GLDC: variants seen among roughly 807,000 people sequenced by gnomAD.
GLDC encodes glycine dehydrogenase (decarboxylating), mitochondrial.
A neutral mutation model predicts 121.3 loss-of-function variants in GLDC; 104 were observed. The ratio of observed to expected loss-of-function variants is 0.86; its 90% CI spans 0.73 to 1.01. GLDC has a LOEUF of 1.01. Ranked by LOEUF, GLDC falls within the 50% of genes least tolerant of loss-of-function variation. The pLI is 0.00. For synonymous variants in GLDC, 546 were observed against 480.6 expected, an observed-to-expected ratio of 1.14 and a Z score of -1.78; for missense variants, 1,429 against 1,306.6, an observed-to-expected ratio of 1.09 and a Z score of -1.44.
intron 3 of GLDC, among the ~76,000 whole-genome samples, chr9:6,614,951 A>G (rs984991808): frequency 1.3e-5 from 2 of 152,228 alleles, no homozygotes; most frequent in African/African-American, 4.8e-5. Flanking sequence ...TAAATACAGA[A>G]AAGGTACAGT....
intron 15 of GLDC, among the ~76,000 whole-genome samples, chr9:6,575,056 G>T (rs1818037158): frequency 6.6e-6 from 1 of 151,992 alleles, no homozygotes. Context: ...CCACTTCTTA[G>T]CCAGGTGTGG....
chr9:6,610,324 A>G lies in GLDC; in HGVS notation c.503T>C (p.Val168Ala), dbSNP rs1241332349. The G allele has an allele frequency of 3.7e-6, 6 of 1,613,398 alleles. No homozygotes were observed. The highest frequency in any genetic ancestry group is 5.1e-6 in the Non-Finnish European group (6 of 1,179,422). The change falls in exon 4 of 25, where the codon GTG (valine) becomes GCG (alanine). Residue 168 changes from valine to alanine, a missense_variant. Coordinates refer to ENST00000321612, the MANE Select transcript of GLDC (RefSeq NM_000170.3). ...TAAACTCTCCAGCCTCCCCTGAGAC[A>G]CCTCAGGCTGGTATGGAGTATACTG... The part of the protein sequence containing the change: ...ITQYTPYQPE[V>A]SQGRLESLLN...
intron 8 of GLDC, among the ~76,000 whole-genome samples, chr9:6,598,784 C>T (rs1231936148): frequency 1.3e-5 from 2 of 152,230 alleles, no homozygotes; most frequent in African/African-American, 4.8e-5. Context: ...GTATGGCCAT[C>T]TCCAGGGCAA....
intron 2 of GLDC, among the ~76,000 whole-genome samples, chr9:6,622,416 A>AT (rs1409861190): frequency 4.0e-5 from 6 of 148,646 alleles, no homozygotes; most frequent in Non-Finnish European, 7.4e-5. Context: ...TGGTTTTCGT[A>AT]TTTTTTTGGT....
chr9:6,557,629 G>C (rs1238058785), intron 17 of GLDC: 1 of 132,932 alleles, frequency 7.5e-6, no homozygotes, highest in East Asian at 2.0e-4. Context: ...AACAGGAATT[G>C]GAAAAAAAAA....
chr9:6,587,071 C>G (rs1818285510), intron 15 of GLDC, 70 bp downstream of exon 15: 9 of 1,286,768 alleles, frequency 7.0e-6, no homozygotes, highest in Non-Finnish European at 9.1e-6. Flanking sequence ...TTGTTCTAAG[C>G]CTTTAAGTTT....
Position 6,584,772 on chromosome 9 carries a change from G to A in GLDC, c.1850+2369C>T, listed in dbSNP as rs188216549. ...CAAAGCCCCTGCCATGCTCAAATCA[G>A]CTCTTGGAAATGGATGGTATAGCTG... On this transcript the variant is annotated intron_variant, in intron 15 of 24. Coordinates refer to ENST00000321612, the MANE Select transcript of GLDC (RefSeq NM_000170.3). Among the ~76,000 whole-genome samples, 77 of 152,264 alleles carry A rather than the reference G, an allele frequency of 5.1e-4. 1 individual carries two copies. The highest frequency in any genetic ancestry group is 9.6e-4 in the Non-Finnish European group (65 of 68,022).
Position 6,605,268 on chromosome 9 carries a change from C to G in GLDC, c.724G>C (p.Val242Leu). The change falls in exon 6 of 25, where the codon GTC becomes CTC. Residue 242 changes from valine to leucine, a missense_variant. Coordinates refer to ENST00000321612, the MANE Select transcript of GLDC (RefSeq NM_000170.3). ...CAGGGTAACTTCAGCTCAGTGAGGA[C>G]TCCAGTATATCTGGAAAGACAGACA... ...VVQTRAKYTGVLTELKLPCEM... is the reference protein window; with the variant it reads ...VVQTRAKYTGLLTELKLPCEM... 1 of 1,613,948 alleles carries G rather than the reference C, an allele frequency of 6.2e-7. No individual in the cohort carries two copies. Among genetic ancestry groups the G allele is most frequent in the Non-Finnish European group, 8.5e-7 (1 of 1,179,818 alleles).
rs1042340088 is a variant in GLDC at position 6,556,064 on chromosome 9, G to C, written c.2202+89C>G. ...TCGTGGGTCTGAGTTCCCTCAGGCA[G>C]GAAGCCTCTCAAGAAGTCAGAATTT... On this transcript the variant is annotated intron_variant, in intron 18 of 24. Coordinates refer to ENST00000321612, the MANE Select transcript of GLDC (RefSeq NM_000170.3). 5 of 1,117,022 alleles carry C rather than the reference G, an allele frequency of 4.5e-6. No individual in the cohort carries two copies. In the African/African-American group the frequency reaches 7.7e-5, roughly 17 times the overall value. 69.2% of individuals were successfully genotyped at this position (1,117,022 alleles called of 1,614,324 possible).
intron 2 of GLDC, among the ~76,000 whole-genome samples, chr9:6,625,272 T>C (rs12353462): frequency 0.2 from 30,399 of 151,664 alleles, 3,492 homozygotes; most frequent in East Asian, 0.37. Flanking sequence ...CACTGATTGC[T>C]CTCTCACTCA....
At chr9:6,631,256 T>C (rs1819371632) in intron 2 of GLDC, among the ~76,000 whole-genome samples, 1 of 152,186 alleles carries the variant, frequency 6.6e-6, no homozygotes, top group Non-Finnish European at 1.5e-5. Context: ...TCAGGACACC[T>C]CCACTCAAAA....
At chr9:6,549,198 C>G (rs1452194480) in intron 21 of GLDC, among the ~76,000 whole-genome samples, 2 of 152,250 alleles carry the variant, frequency 1.3e-5, no homozygotes, top group Non-Finnish European at 2.9e-5. Context: ...GCCACCCGCT[C>G]TTTACAGTGT....
chr9:6,611,427 G>GGA (rs1818852062), intron 3 of GLDC, among the ~76,000 whole-genome samples: 1 of 152,106 alleles, frequency 6.6e-6, no homozygotes, highest in Non-Finnish European at 1.5e-5. Context: ...GTGGTGGCAC[G>GGA]TGCCTGTAGT....
intron 2 of GLDC, chr9:6,639,729 T>G (rs1260923502): frequency 5.5e-6 from 1 of 182,158 alleles, no homozygotes; most frequent in Non-Finnish European, 1.1e-5. Flanking sequence ...CATATACAAA[T>G]AGACAATTAC....
chr9:6,573,915 G>A (rs1261845509), intron 15 of GLDC, among the ~76,000 whole-genome samples: 2 of 152,062 alleles, frequency 1.3e-5, no homozygotes, highest in African/African-American at 2.4e-5. Context: ...CCTTGCAAAC[G>A]GTATGATTTT....
chr9:6,550,045 G>A (rs956344453), intron 21 of GLDC, among the ~76,000 whole-genome samples: 4 of 152,104 alleles, frequency 2.6e-5, no homozygotes, highest in African/African-American at 7.2e-5. Flanking sequence ...TCTTTTCTCT[G>A]GTTTGCTCCT....
Position 6,595,055 on chromosome 9 carries a change from A to C in GLDC, c.1220T>G (p.Ile407Ser). Residue 407 changes from isoleucine to serine, a missense_variant, in exon 9 of 25, where the codon ATT (isoleucine) becomes AGT (serine). Physicochemically the swap from Ile to Ser is moderately radical, Grantham distance 142. Transcript: ENST00000321612. ...AGTGGCATTATGTACCCTCCTAGCA[A>C]TATGCTCCAGCCCATGGGAACCATG... ...IYHGSHGLEH[I>S]ARRVHNATLI... The C allele has an allele frequency of 3.1e-6, 5 of 1,613,022 alleles. No individual in the cohort carries two copies. Among genetic ancestry groups the C allele is most frequent in the Non-Finnish European group, 4.2e-6 (5 of 1,178,994 alleles).
chr9:6,613,770 G>GT (rs1818909575), intron 3 of GLDC, among the ~76,000 whole-genome samples: 1 of 151,764 alleles, frequency 6.6e-6, no homozygotes, highest in Admixed American at 6.6e-5. Context: ...ATGATAACTA[G>GT]TTTTTTGGGG....
At chr9:6,639,669 G>GTATA (rs150365649) in intron 2 of GLDC, 4,735 of 227,104 alleles carry the variant, frequency 0.021, 285 homozygotes, top group African/African-American at 0.1. Flanking sequence ...TAAAAAAAAA[G>GTATA]TATATATATA....
Sources: allele counts gnomAD v4.1 joint callset (sites outside exome capture counted in the v4.1 genomes callset), GRCh38; gene constraint gnomAD v4.1.1; transcripts MANE v1.5; gene names NCBI Gene and HGNC (gene_info 2026-07-23, HGNC 2026-07-21).